FRYL: variants seen among roughly 807,000 people sequenced by gnomAD.
FRYL encodes FRY like transcription coactivator, also known as protein furry homolog-like.
In FRYL, 150 loss-of-function variants were observed where a neutral mutation model predicts 351.2. The observed-to-expected ratio is 0.43, with a 90% CI of 0.37 to 0.49. FRYL has a LOEUF of 0.49. Ranked by LOEUF, FRYL falls within the 20% of genes least tolerant of loss-of-function variation. FRYL has a pLI of 0.00. For missense variants in FRYL, 3,036 were observed against 3,619.3 expected (o/e 0.84, Z 4.13); for synonymous variants, 1,153 against 1,257.1 (o/e 0.92, Z 1.75).
intron 4 of FRYL, among the ~76,000 whole-genome samples, chr4:48,624,233 A>T (rs1312454342): frequency 6.6e-6 from 1 of 152,138 alleles, no homozygotes; most frequent in Non-Finnish European, 1.5e-5. Context: ...ATCACATACC[A>T]GAATATTTTT....
At chr4:48,692,585 G>C (rs1765773303) in intron 2 of FRYL, among the ~76,000 whole-genome samples, 1 of 152,156 alleles carries the variant, frequency 6.6e-6, no homozygotes, top group African/African-American at 2.4e-5. Context: ...TAGAGCCAAA[G>C]TTTTGCCATG....
chr4:48,515,253 T>C lies in FRYL; in HGVS notation c.7712A>G (p.Glu2571Gly), dbSNP rs765408377. 1 of 1,609,022 alleles carries C rather than the reference T, an allele frequency of 6.2e-7. No homozygotes were observed. Among genetic ancestry groups the C allele is most frequent in the Admixed American group, 1.7e-5 (1 of 59,808 alleles). The change falls in exon 56 of 64, where the codon GAG becomes GGG. Residue 2571 changes from glutamate (E) to glycine (G), a missense_variant. Glu to Gly is a moderately conservative substitution (Grantham distance 98). Coordinates refer to ENST00000358350, the MANE Select transcript of FRYL (RefSeq NM_015030.2). ...LPEDTTSVLK[E>G]EHVTTFEDEG... ...ATCTTCAAAGGTTGTAACATGTTCCTCCTTTAATACTGAAGTTGTATCCTA... is the reference window on the plus strand; with the variant it reads ...ATCTTCAAAGGTTGTAACATGTTCCCCCTTTAATACTGAAGTTGTATCCTA...
At chr4:48,751,769 A>C (rs1773266689) in intron 1 of FRYL, among the ~76,000 whole-genome samples, 1 of 152,158 alleles carries the variant, frequency 6.6e-6, no homozygotes, top group African/African-American at 2.4e-5. Context: ...TACAACAGAA[A>C]ACTGCAGCAG....
intron 3 of FRYL, among the ~76,000 whole-genome samples, chr4:48,635,827 C>T (rs1754115494): frequency 1.3e-5 from 2 of 152,142 alleles, no homozygotes; most frequent in Non-Finnish European, 2.9e-5. Context: ...TGAACCCCTT[C>T]CTTGAAAGAG....
At chr4:48,733,101 C>T (rs1770918446) in intron 1 of FRYL, among the ~76,000 whole-genome samples, 1 of 151,404 alleles carries the variant, frequency 6.6e-6, no homozygotes, top group Non-Finnish European at 1.5e-5. Flanking sequence ...ATGGTGAAAC[C>T]CCGTCTCTAC....
intron 1 of FRYL, among the ~76,000 whole-genome samples, chr4:48,767,295 C>T (rs148445381): frequency 6.6e-5 from 10 of 152,074 alleles, no homozygotes; most frequent in African/African-American, 2.4e-4. Flanking sequence ...AGGACAACAG[C>T]CAGATCTTCT....
At chr4:48,673,248 G>C (rs1372364954) in intron 3 of FRYL, among the ~76,000 whole-genome samples, 3 of 152,164 alleles carry the variant, frequency 2.0e-5, no homozygotes, top group Non-Finnish European at 4.4e-5. Context: ...GATCATTAAA[G>C]ACAGTTTCAA....
At chr4:48,546,367 A>C (rs1731335216) in intron 41 of FRYL, 96 bp from the exon 42 acceptor site, 1 of 923,250 alleles carries the variant, frequency 1.1e-6, no homozygotes, top group South Asian at 1.6e-5. Context: ...TCTATGGGAC[A>C]CATGAGGCAA....
intron 41 of FRYL, chr4:48,547,349 A>G (rs1731585590): frequency 3.1e-6 from 1 of 323,006 alleles, no homozygotes; most frequent in South Asian, 1.3e-4. Context: ...TTCAACTTAC[A>G]TATTCCTAAG....
chr4:48,681,269 A>G (rs1764568536), intron 3 of FRYL: 1 of 248,488 alleles, frequency 4.0e-6, no homozygotes, highest in South Asian at 5.1e-5. Context: ...AACCCCAGTC[A>G]GTCAATTGCC....
At chr4:48,619,646 A>G (rs1186540887) in intron 6 of FRYL, among the ~76,000 whole-genome samples, 5 of 152,082 alleles carry the variant, frequency 3.3e-5, no homozygotes, top group Admixed American at 1.3e-4. Flanking sequence ...GCTAGACTAC[A>G]GGCAAGCGCC....
chr4:48,624,192 T>C (rs1182837998), intron 4 of FRYL, among the ~76,000 whole-genome samples: 1 of 152,190 alleles, frequency 6.6e-6, no homozygotes, highest in Admixed American at 6.5e-5. Flanking sequence ...TTTAGTGGTA[T>C]ATCTTGCTTC....
intron 42 of FRYL, among the ~76,000 whole-genome samples, chr4:48,545,332 G>A (rs998652485): frequency 4.6e-5 from 7 of 152,134 alleles, no homozygotes; most frequent in African/African-American, 1.4e-4. Flanking sequence ...TCTTCAAAAC[G>A]TCTTTGTGTT....
chr4:48,670,841 A>T (rs752367646), intron 3 of FRYL, among the ~76,000 whole-genome samples: 1 of 152,086 alleles, frequency 6.6e-6, no homozygotes, highest in South Asian at 2.1e-4. Context: ...TTTATCCATT[A>T]ATCTGTTGGT....
At chr4:48,753,001 CG>C (rs972099348) in intron 1 of FRYL, among the ~76,000 whole-genome samples, 1 of 151,262 alleles carries the variant, frequency 6.6e-6, no homozygotes, top group South Asian at 2.1e-4. Flanking sequence ...GTTGAGGGGT[CG>C]GGGGGAGTGA....
chr4:48,536,828 A>G lies in FRYL; in HGVS notation c.6394-1001T>C, dbSNP rs1728996964. Among the ~76,000 whole-genome samples the G allele has an allele frequency of 2.6e-5, 4 of 152,232 alleles. No homozygotes were observed. The South Asian group carries it at 8.3e-4, about 31-fold the overall frequency. On this transcript the variant is annotated intron_variant, in intron 47 of 63. Transcript: ENST00000358350. ...ATACATCTTCAACTTTCAAATGAATATCACTAATTTTGGTAATTCGGAAGA... is the reference window on the plus strand; with the variant it reads ...ATACATCTTCAACTTTCAAATGAATGTCACTAATTTTGGTAATTCGGAAGA...
At chr4:48,638,706 C>A (rs1206083043) in intron 3 of FRYL, 1 of 152,166 alleles carries the variant, frequency 6.6e-6, no homozygotes, top group Non-Finnish European at 1.5e-5. Flanking sequence ...TGGAACCAAC[C>A]CAAATGCCCA....
chr4:48,532,400 GTAATCCCA>G (rs1364664168), intron 49 of FRYL, among the ~76,000 whole-genome samples: 1 of 152,214 alleles, frequency 6.6e-6, no homozygotes, highest in African/African-American at 2.4e-5. Context: ...GCTCACGCCT[GTAATCCCA>G]GTACTTTGGG....
chr4:48,638,295 C>T (rs950029774), intron 3 of FRYL: 1 of 151,872 alleles, frequency 6.6e-6, no homozygotes, highest in Non-Finnish European at 1.5e-5. Flanking sequence ...TATTTATACA[C>T]CATATTGGCT....
Sources: gnomAD v4.1 joint callset for allele counts (sites outside exome capture counted in the v4.1 genomes callset) on GRCh38, gnomAD v4.1.1 for gene constraint, MANE v1.5 for transcripts, NCBI Gene and HGNC (gene_info 2026-07-23, HGNC 2026-07-21) for gene names.